HAUS7: variants seen among roughly 807,000 people sequenced by gnomAD.
HAUS7 encodes HAUS augmin like complex subunit 7.
HAUS7 carries 3 observed loss-of-function variants against 28.4 expected under a neutral mutation model. The observed-to-expected ratio is 0.11, with a 90% CI of 0.05 to 0.27. The LOEUF is 0.27. HAUS7 is among the 10% of genes least tolerant of loss of function. The pLI is 1.00. For synonymous variants in HAUS7, 165 were observed against 132.1 expected, an observed-to-expected ratio of 1.25 and a Z score of -1.71; for missense variants, 284 against 297.3, an observed-to-expected ratio of 0.96 and a Z score of 0.33.
chrX:153,471,352 T>C (rs782073646), upstream of HAUS7, among the ~76,000 whole-genome samples: 5 of 112,375 alleles, frequency 4.4e-5, 1 homozygote, highest in South Asian at 1.8e-3. Context: ...ACGTAAATGC[T>C]CACTATTGTA....
intron 4 of HAUS7, among the ~76,000 whole-genome samples, chrX:153,458,179 C>T (rs1556982689): frequency 4.4e-5 from 5 of 113,222 alleles, no homozygotes; most frequent in African/African-American, 1.6e-4. Flanking sequence ...TAGCATAGAG[C>T]CTGGGCATCA....
In HAUS7 at chrX:153,469,248, G is replaced by C. The variant is rs1457582450; in HGVS notation, c.122C>G (p.Pro41Arg). 1 of 1,082,574 alleles carries C rather than the reference G, an allele frequency of 9.2e-7. No individual in the cohort carries two copies. Among genetic ancestry groups the C allele is most frequent in the African/African-American group, 1.8e-5 (1 of 55,137 alleles). 89.2% of individuals were successfully genotyped at this position (1,082,574 alleles called of 1,213,427 possible). A position where few individuals can be genotyped will look rare whatever the true frequency, so the allele number is the denominator to read the frequency against. The stretch of plus-strand genomic sequence containing the variant: ...TGTGATATACAGACCCTCGAGGAAG[G>C]GGCAGTTTAGGTCCTAAGCAAGGAA... The part of the protein sequence containing the change: ...VFGKLKDLNC[P>R]FLEGLYITEP... Residue 41 changes from proline (P) to arginine (R), a missense_variant, in exon 2 of 10, where the codon CCC becomes CGC. By Grantham distance (103) the Pro-to-Arg change is moderately radical. Coordinates refer to ENST00000370211, the MANE Select transcript of HAUS7 (RefSeq NM_001385482.1).
upstream of HAUS7, among the ~76,000 whole-genome samples, chrX:153,471,430 CT>C (rs1168903072): frequency 8.9e-6 from 1 of 112,588 alleles, no homozygotes; most frequent in Non-Finnish European, 1.9e-5. Context: ...ATCCTGTCTA[CT>C]TAACAAATTT....
chrX:153,489,702 C>T (rs1253764015), intron 1 of HAUS7, among the ~76,000 whole-genome samples: 8 of 112,461 alleles, frequency 7.1e-5, no homozygotes, highest in Admixed American at 5.6e-4. Context: ...CGGCCTGAGA[C>T]CTGGGTGGGA....
chrX:153,454,350 C>T (rs377607117), intron 9 of HAUS7, 44 bp downstream of exon 9: 22 of 742,352 alleles, frequency 3.0e-5, no homozygotes, highest in African/African-American at 1.4e-4. Flanking sequence ...GAAGCCTGTG[C>T]GTGGGGCAGC....
intron 1 of HAUS7, chrX:153,485,942 C>A: frequency 4.1e-6 from 4 of 970,862 alleles, no homozygotes; most frequent in Non-Finnish European, 5.3e-6. Context: ...CCACAACAGG[C>A]TGCAGGCTGA....
intron 4 of HAUS7, chrX:153,462,236 G>A (rs368976699): frequency 2.8e-4 from 205 of 733,606 alleles, no homozygotes; most frequent in Admixed American, 2.6e-4. Context: ...GAGGGACCTC[G>A]GGAGAAACTC....
Position 153,470,483 on chromosome X carries a change from G to T in HAUS7, c.75C>A (p.Ser25=). The change falls in exon 1 of 10, where the codon TCC becomes TCA. Residue 25 remains serine, a synonymous_variant. Coordinates refer to ENST00000370211, the MANE Select transcript of HAUS7 (RefSeq NM_001385482.1). ...TCCCGAACACCTCCACAGCCGCCCT[G>T]GACACGCTGCTGTCGCCCTCGTCCT... ...YSEDEGDSSV[S]RAAVEVFGKL... The T allele has an allele frequency of 8.3e-7, 1 of 1,207,982 alleles. No individual in the cohort carries two copies. Among genetic ancestry groups the T allele is most frequent in the Admixed American group, 2.2e-5 (1 of 46,029 alleles).
rs782133447 is a variant in HAUS7, at chrX:153,455,781, G to A, written c.706-15C>T. The A allele has an allele frequency of 9.1e-7, 1 of 1,099,522 alleles. No homozygotes were observed. Among genetic ancestry groups the A allele is most frequent in the Non-Finnish European group, 1.3e-6 (1 of 799,669 alleles). The allele number at this position is 1,099,522 out of a possible 1,213,427, so 90.6% of individuals were successfully genotyped here. ...TGTGCAAAGTACTGCAAAGCCAGAG[G>A]CAGAGTCCCTTGAGGCTGCCCTGCC... On this transcript the variant is annotated splice_polypyrimidine_tract_variant and intron_variant, in intron 7 of 9. Coordinates refer to ENST00000370211, the MANE Select transcript of HAUS7 (RefSeq NM_001385482.1).
In HAUS7 at chrX:153,456,280, G is replaced by A. The variant is rs200218264; in HGVS notation, c.690C>T (p.His230=). Residue 230 remains histidine, a synonymous_variant, in exon 7 of 10, where the codon CAC becomes CAT. Transcript: ENST00000370211. ...GCACCCTCACCTCCGTTCTAAGCGC[G>A]TGCAACTTGGCAGCACTCTCCTGCA... ...RQLQESAAKL[H]ALRTEYFAQH... 28 of 1,207,337 alleles carry A rather than the reference G, an allele frequency of 2.3e-5. No individual in the cohort carries two copies. The highest frequency in any genetic ancestry group is 2.8e-5 in the Non-Finnish European group (25 of 892,666).
chrX:153,463,248 C>T, intron 3 of HAUS7: 1 of 284,260 alleles, frequency 3.5e-6, no homozygotes, highest in Non-Finnish European at 6.8e-6. Context: ...GCCAGACCTG[C>T]CCCTCCACCT....
intron 9 of HAUS7, among the ~76,000 whole-genome samples, chrX:153,451,698 A>G (rs2089241778): frequency 8.9e-6 from 1 of 112,346 alleles, no homozygotes; most frequent in African/African-American, 3.2e-5. Flanking sequence ...GGGGCAAACA[A>G]GAGACTAAAC....
intron 1 of HAUS7, among the ~76,000 whole-genome samples, chrX:153,489,359 C>T (rs2089658131): frequency 1.8e-5 from 2 of 112,687 alleles, no homozygotes; most frequent in African/African-American, 6.4e-5. Flanking sequence ...CCGACACCCA[C>T]TCACTCCCAC....
upstream of HAUS7, among the ~76,000 whole-genome samples, chrX:153,472,220 G>A (rs1225747740): frequency 8.9e-6 from 1 of 111,896 alleles, no homozygotes; most frequent in Admixed American, 9.4e-5. Context: ...CGGAGCCAGT[G>A]TGCTCAACAG....
At chrX:153,481,067 G>A in intron 1 of HAUS7, 9 of 720,616 alleles carry the variant, frequency 1.2e-5, no homozygotes, top group Non-Finnish European at 1.5e-5. Flanking sequence ...GGGCTGACAG[G>A]ACCACGCATG....
intron 1 of HAUS7, chrX:153,483,430 C>T: frequency 1.3e-6 from 1 of 755,832 alleles, no homozygotes; most frequent in Non-Finnish European, 1.6e-6. Context: ...CACCCCGAGC[C>T]TGGATTCATC....
chrX:153,458,583 T>C lies in HAUS7; in HGVS notation c.355-1355A>G, dbSNP rs782079227. Among the ~76,000 whole-genome samples the C allele has an allele frequency of 4.4e-5, 5 of 112,508 alleles. 1 individual carries two copies. The South Asian group carries it at 1.9e-3, about 42-fold the overall frequency. Reference sequence around the variant, plus strand: ...TCAGGTACAGGATTTTGTGTGCATGTATATTTTCACTTCTCCTGGGTGGAC... The same window carrying C: ...TCAGGTACAGGATTTTGTGTGCATGCATATTTTCACTTCTCCTGGGTGGAC... On this transcript the variant is annotated intron_variant, in intron 4 of 9. Transcript: ENST00000370211.
chrX:153,474,745 T>G (rs1212256645), upstream of HAUS7, among the ~76,000 whole-genome samples: 8 of 53,255 alleles, frequency 1.5e-4, no homozygotes, highest in South Asian at 6.8e-3. Context: ...GCGCGGGCGC[T>G]GGCGCGGGAT....
intron 2 of HAUS7, 109 bp downstream of exon 2, chrX:153,469,037 T>G: frequency 2.0e-6 from 1 of 509,694 alleles, no homozygotes; most frequent in Non-Finnish European, 3.5e-6. Flanking sequence ...GGTGGAGCCC[T>G]CTGGGAAGAC....
Sources: gnomAD v4.1 joint callset for allele counts (sites outside exome capture counted in the v4.1 genomes callset) on GRCh38, gnomAD v4.1.1 for gene constraint, MANE v1.5 for transcripts, NCBI Gene and HGNC (gene_info 2026-07-23, HGNC 2026-07-21) for gene names.